The following PCDHGA3 variants were observed in gnomAD, a reference collection of about 807,000 sequenced individuals.
The protein encoded by PCDHGA3 is protocadherin gamma subfamily A, 3, also known as protocadherin gamma-A3.
Under a neutral mutation model 58.5 loss-of-function variants are expected in PCDHGA3, and 40 were observed. The ratio of observed to expected loss-of-function variants is 0.68; its 90% CI spans 0.53 to 0.89. PCDHGA3 has a LOEUF of 0.89. Among genes scored for constraint, PCDHGA3 ranks in the 40% least tolerant of loss-of-function variants. The pLI is 0.00. For synonymous variants in PCDHGA3, 530 were observed against 525.7 expected (o/e 1.01, Z -0.11); for missense variants, 1,223 against 1,195.9 (o/e 1.02, Z -0.33).
intron 1 of PCDHGA3, among the ~76,000 whole-genome samples, chr5:141,445,834 T>G (rs1310067225): frequency 6.6e-6 from 1 of 152,218 alleles, no homozygotes; most frequent in Middle Eastern, 3.2e-3. Context: ...GGGAGAGCCT[T>G]GTAAATCACA....
At chr5:141,430,946 G>A (rs2097328634) in intron 1 of PCDHGA3, 1 of 1,609,494 alleles carries the variant, frequency 6.2e-7, no homozygotes, top group Non-Finnish European at 8.5e-7. Flanking sequence ...CGCGGAGCGC[G>A]GAGTCCGCAT....
chr5:141,405,974 A>T (rs1194827537), intron 1 of PCDHGA3, among the ~76,000 whole-genome samples: 1 of 152,002 alleles, frequency 6.6e-6, no homozygotes, highest in Non-Finnish European at 1.5e-5. Context: ...AACGTAAACC[A>T]TACTTCATGG....
At chr5:141,421,880 G>C in intron 1 of PCDHGA3, 1 of 1,613,718 alleles carries the variant, frequency 6.2e-7, no homozygotes, top group Admixed American at 1.7e-5. Flanking sequence ...GCTTTAGATG[G>C]AGGCGATCCC....
chr5:141,384,835 G>A (rs1390926308), intron 1 of PCDHGA3: 2 of 1,613,468 alleles, frequency 1.2e-6, no homozygotes, highest in East Asian at 2.2e-5. Flanking sequence ...CGTGGTGGCC[G>A]TCCAGGACCA....
intron 1 of PCDHGA3, chr5:141,367,869 G>A (rs1765370199): frequency 6.6e-6 from 1 of 152,012 alleles, no homozygotes; most frequent in Non-Finnish European, 1.5e-5. Context: ...AAGTGTAGGT[G>A]CAATTCTTCT....
At chr5:141,375,793 C>G (rs761231690) in intron 1 of PCDHGA3, 1 of 1,614,110 alleles carries the variant, frequency 6.2e-7, no homozygotes, top group Non-Finnish European at 8.5e-7. Context: ...TCCCCACAGA[C>G]GGTTCCACTG....
At chr5:141,422,568 C>A (rs372115955) in intron 1 of PCDHGA3, 5 of 1,613,904 alleles carry the variant, frequency 3.1e-6, no homozygotes, top group Admixed American at 3.3e-5. Context: ...CAGATGACAA[C>A]GATAACCCTC....
chr5:141,398,374 G>C (rs769693333), intron 1 of PCDHGA3: 3 of 1,438,680 alleles, frequency 2.1e-6, no homozygotes, highest in African/African-American at 1.4e-5. Flanking sequence ...AGAGAGCGGG[G>C]AGTTGCTTGT....
At chr5:141,370,453 T>G in intron 1 of PCDHGA3, 1 of 1,611,650 alleles carries the variant, frequency 6.2e-7, no homozygotes, top group Non-Finnish European at 8.5e-7. Flanking sequence ...CTATTTCTCT[T>G]CCTGCTCTCT....
chr5:141,370,484 C>G (rs750551260), intron 1 of PCDHGA3: 1 of 1,613,866 alleles, frequency 6.2e-7, no homozygotes, highest in African/African-American at 1.3e-5. Context: ...AGGCTCTCTC[C>G]GAACCGATCC....
At chr5:141,403,565 G>A in intron 1 of PCDHGA3, 8 of 1,613,952 alleles carry the variant, frequency 5.0e-6, no homozygotes, top group Non-Finnish European at 6.8e-6. Context: ...CAGGGAGGAG[G>A]CAACTGCCCA....
chr5:141,487,533 T>C lies in PCDHGA3; in HGVS notation c.2425-7274T>C. On this transcript the variant is annotated intron_variant, in intron 1 of 3. Coordinates refer to ENST00000253812, the MANE Select transcript of PCDHGA3 (RefSeq NM_018916.4). This position sits in a 1 kb window ranked among gnomAD's most constrained non-coding sequence, Gnocchi z 5.0. The stretch of plus-strand genomic sequence containing the variant: ...CCCACTCGGAGTGATAGCTTCATGA[T>C]GGTGAAGTCACCCAGTGCACCTATG... 6.2e-7 allele frequency: 1 copy of C among 1,614,186 alleles called. No individual in the cohort carries two copies. Among genetic ancestry groups the C allele is most frequent in the South Asian group, 1.1e-5 (1 of 91,080 alleles).
intron 1 of PCDHGA3, chr5:141,427,435 T>C (rs536693959): frequency 2.1e-6 from 1 of 474,160 alleles, no homozygotes; most frequent in African/African-American, 2.0e-5. Flanking sequence ...ACATGCCTCA[T>C]AAACGAAAGA....
chr5:141,478,748 A>G (rs2099474609), intron 1 of PCDHGA3: 2 of 1,525,644 alleles, frequency 1.3e-6, no homozygotes, highest in African/African-American at 1.4e-5. Context: ...GTCCCATTTC[A>G]GGGGGAAGAT....
At chr5:141,405,795 G>T (rs2094718009) in intron 1 of PCDHGA3, among the ~76,000 whole-genome samples, 1 of 149,108 alleles carries the variant, frequency 6.7e-6, no homozygotes, top group African/African-American at 2.4e-5. Context: ...TTCTATTATA[G>T]TTAGCTTTCT....
intron 1 of PCDHGA3, chr5:141,429,222 T>C (rs897099159): frequency 6.6e-6 from 1 of 151,494 alleles, no homozygotes; most frequent in Non-Finnish European, 1.5e-5. Context: ...AAAGTGGGTA[T>C]TATGATACTG....
chr5:141,398,905 A>G lies in PCDHGA3; in HGVS notation c.2424+52448A>G, dbSNP rs200564636. ...TCGGGAAAACGTGCCACCAGGCACC[A>G]CTGTGTTGCAAGTGTCAGCCACTGA... On this transcript the variant is annotated intron_variant, in intron 1 of 3. Coordinates refer to ENST00000253812, the MANE Select transcript of PCDHGA3 (RefSeq NM_018916.4). 1.2e-3 allele frequency: 1,935 copies of G among 1,613,984 alleles called. 4 individuals carry two copies. Among genetic ancestry groups the G allele is most frequent in the Middle Eastern group, 3.5e-3 (21 of 6,062 alleles).
chr5:141,366,222 C>T (rs760253419), intron 1 of PCDHGA3: 4 of 1,613,804 alleles, frequency 2.5e-6, no homozygotes, highest in Non-Finnish European at 3.4e-6. Context: ...ACAGCGCGAG[C>T]CCTGCTGGAC....
intron 1 of PCDHGA3, chr5:141,422,727 G>T (rs373180311): frequency 6.3e-5 from 102 of 1,606,434 alleles, no homozygotes; most frequent in Non-Finnish European, 2.0e-5. Context: ...TCCAGGGGGT[G>T]CCTCTGTCCT....
Sources: gnomAD v4.1 joint callset for allele counts (sites outside exome capture counted in the v4.1 genomes callset) on GRCh38, gnomAD v4.1.1 for gene constraint, Gnocchi (gnomAD v3.1) non-coding constraint, MANE v1.5 for transcripts, NCBI Gene and HGNC (gene_info 2026-07-23, HGNC 2026-07-21) for gene names.